The following PAPPA2 variants were observed in gnomAD, a reference collection of about 807,000 sequenced individuals.
The protein encoded by PAPPA2 is pappalysin 2.
PAPPA2 carries 86 observed loss-of-function variants against 176.4 expected under a neutral mutation model. The observed-to-expected ratio is 0.49, with a 90% CI of 0.41 to 0.58. PAPPA2 has a LOEUF of 0.58. Among genes scored for constraint, PAPPA2 ranks in the 20% least tolerant of loss-of-function variants. The pLI, the probability that PAPPA2 is intolerant of heterozygous loss-of-function variation, is 0.00. For synonymous variants in PAPPA2, 809 were observed against 852.2 expected, an observed-to-expected ratio of 0.95 and a Z score of 0.88; for missense variants, 2,073 against 2,256.9, an observed-to-expected ratio of 0.92 and a Z score of 1.65.
At chr1:176,600,862 G>T (rs1385732139) in intron 3 of PAPPA2, among the ~76,000 whole-genome samples, 2 of 152,098 alleles carry the variant, frequency 1.3e-5, no homozygotes, top group Admixed American at 6.5e-5. Flanking sequence ...GTAGAAAGTG[G>T]GGGACAGACC....
At chr1:176,559,477 C>T (rs573069778) in intron 2 of PAPPA2, among the ~76,000 whole-genome samples, 3 of 152,202 alleles carry the variant, frequency 2.0e-5, no homozygotes, top group African/African-American at 4.8e-5. Flanking sequence ...ATTCTAGCAA[C>T]AGGGCTGCTG....
At chr1:176,642,255 TTAAA>T (rs1279990203) in intron 3 of PAPPA2, among the ~76,000 whole-genome samples, 3 of 151,954 alleles carry the variant, frequency 2.0e-5, no homozygotes, top group Admixed American at 6.6e-5. Context: ...AAAGGATAAT[TTAAA>T]TAACAATAAT....
intron 12 of PAPPA2, among the ~76,000 whole-genome samples, chr1:176,734,999 C>G (rs970485074): frequency 2.6e-5 from 4 of 152,070 alleles, no homozygotes; most frequent in African/African-American, 7.2e-5. Flanking sequence ...AAACTAAGAA[C>G]ATTGGTTCAG....
intron 21 of PAPPA2, among the ~76,000 whole-genome samples, chr1:176,828,004 T>G (rs933642182): frequency 6.6e-6 from 1 of 152,008 alleles, no homozygotes; most frequent in African/African-American, 2.4e-5. Flanking sequence ...TCTCATAGTT[T>G]CAGTGAGAGG....
At chr1:176,835,110 T>G (rs1667223036) in intron 21 of PAPPA2, among the ~76,000 whole-genome samples, 1 of 152,162 alleles carries the variant, frequency 6.6e-6, no homozygotes, top group African/African-American at 2.4e-5. Context: ...CAAAAGAACT[T>G]AAGTTACCCT....
chr1:176,573,876 T>A (rs1652493751), intron 2 of PAPPA2, among the ~76,000 whole-genome samples: 1 of 152,078 alleles, frequency 6.6e-6, no homozygotes, highest in Non-Finnish European at 1.5e-5. Context: ...AGAGCTGTGC[T>A]AGGTCAAGTC....
At chr1:176,772,838 GC>G (rs764520544) in intron 17 of PAPPA2, among the ~76,000 whole-genome samples, 37 of 152,130 alleles carry the variant, frequency 2.4e-4, no homozygotes, top group Non-Finnish European at 4.6e-4. Context: ...CCTGAAGGCT[GC>G]TGTTTTCTTG....
chr1:176,623,630 ACTTTCTTTCTTTCTTTCTTT>A (rs200126031), intron 3 of PAPPA2, among the ~76,000 whole-genome samples: 1 of 83,980 alleles, frequency 1.2e-5, no homozygotes, highest in Non-Finnish European at 2.2e-5. Flanking sequence ...TTCCTTTTTT[ACTTTCTTTCTTTCTTTCTTT>A]CTTTCTTTCT....
At chr1:176,658,394 C>A (rs1248085372) in intron 3 of PAPPA2, among the ~76,000 whole-genome samples, 3 of 151,944 alleles carry the variant, frequency 2.0e-5, no homozygotes, top group African/African-American at 7.2e-5. Context: ...GTGGTTGATG[C>A]AGAATTGAAA....
intron 21 of PAPPA2, among the ~76,000 whole-genome samples, chr1:176,816,850 T>G (rs1666426321): frequency 6.6e-6 from 1 of 152,172 alleles, no homozygotes; most frequent in Non-Finnish European, 1.5e-5. Context: ...TTGCTGTTTT[T>G]TCTCTCTGTT....
chr1:176,668,517 A>T (rs1165040657), intron 3 of PAPPA2, among the ~76,000 whole-genome samples: 1 of 152,082 alleles, frequency 6.6e-6, no homozygotes. Context: ...TTTTTTCCTC[A>T]TCCTAAGCCT....
chr1:176,613,025 A>G (rs1019450954), intron 3 of PAPPA2, among the ~76,000 whole-genome samples: 2 of 152,168 alleles, frequency 1.3e-5, no homozygotes, highest in Non-Finnish European at 2.9e-5. Flanking sequence ...AGAGATTAGA[A>G]AAAGTTTTTC....
chr1:176,647,736 T>G (rs1157049748), intron 3 of PAPPA2, among the ~76,000 whole-genome samples: 1 of 151,786 alleles, frequency 6.6e-6, no homozygotes, highest in Admixed American at 6.6e-5. Context: ...ATGCAAGGAT[T>G]AATATCTGGG....
At chr1:176,812,258 C>T (rs867897864) in intron 21 of PAPPA2, among the ~76,000 whole-genome samples, 4 of 151,384 alleles carry the variant, frequency 2.6e-5, no homozygotes, top group African/African-American at 7.3e-5. Context: ...CTGTCCTTCC[C>T]TTTTTAGCCC....
At chr1:176,806,761 A>T (rs1665923612) in intron 21 of PAPPA2, among the ~76,000 whole-genome samples, 1 of 152,148 alleles carries the variant, frequency 6.6e-6, no homozygotes, top group Non-Finnish European at 1.5e-5. Context: ...CACCTCAGTA[A>T]AGCATGGTTG....
chr1:176,475,597 A>G (rs1223944916), intron 1 of PAPPA2, among the ~76,000 whole-genome samples: 1 of 152,238 alleles, frequency 6.6e-6, no homozygotes, highest in East Asian at 1.9e-4. Context: ...GAACTGGAAA[A>G]AAAATGCCAG....
At chr1:176,541,303 G>A (rs139358879) in intron 1 of PAPPA2, among the ~76,000 whole-genome samples, 18 of 152,278 alleles carry the variant, frequency 1.2e-4, no homozygotes, top group Admixed American at 5.9e-4. Context: ...CATTAACAGC[G>A]AATACATTTG....
chr1:176,615,659 T>C (rs777846069), intron 3 of PAPPA2, among the ~76,000 whole-genome samples: 15 of 152,054 alleles, frequency 9.9e-5, no homozygotes, highest in Non-Finnish European at 2.1e-4. Flanking sequence ...AAAGTGAGAT[T>C]TATAGAAACA....
chr1:176,505,742 A>C (rs1648223957), intron 1 of PAPPA2, among the ~76,000 whole-genome samples: 1 of 152,058 alleles, frequency 6.6e-6, no homozygotes, highest in Non-Finnish European at 1.5e-5. Context: ...CCAAAAAAAC[A>C]AAAACAAAAC....
Sources: allele counts gnomAD v4.1 joint callset (sites outside exome capture counted in the v4.1 genomes callset), GRCh38; gene constraint gnomAD v4.1.1; transcripts MANE v1.5; gene names NCBI Gene and HGNC (gene_info 2026-07-23, HGNC 2026-07-21).